JAK2: variants seen among roughly 807,000 people sequenced by gnomAD.
JAK2 encodes tyrosine-protein kinase JAK2.
JAK2 carries 86 observed loss-of-function variants against 139.3 expected under a neutral mutation model. That is an observed-to-expected ratio of 0.62 (90% CI 0.52 to 0.74). The LOEUF (loss-of-function observed/expected upper bound fraction) is 0.74, where lower values mean the gene tolerates loss of function less well. Among genes scored for constraint, JAK2 ranks in the 30% least tolerant of loss-of-function variants. JAK2 has a pLI of 0.00. For synonymous variants in JAK2, 490 were observed against 437.7 expected, an observed-to-expected ratio of 1.12 and a Z score of -1.49; for missense variants, 1,421 against 1,360.3, an observed-to-expected ratio of 1.04 and a Z score of -0.70.
intron 2 of JAK2, among the ~76,000 whole-genome samples, chr9:5,005,247 G>A (rs1821219327): frequency 6.6e-6 from 1 of 151,426 alleles, no homozygotes; most frequent in South Asian, 2.1e-4. Flanking sequence ...ACTGCACCCA[G>A]TCTGTATTGT....
At chr9:5,112,595 A>T in intron 22 of JAK2, 1 of 777,476 alleles carries the variant, frequency 1.3e-6, no homozygotes, top group Admixed American at 2.5e-5. Context: ...GAGGGCTCTT[A>T]AGGAGCTGGG....
chr9:5,103,886 C>G (rs1821734974), intron 22 of JAK2, among the ~76,000 whole-genome samples: 2 of 152,038 alleles, frequency 1.3e-5, no homozygotes, highest in South Asian at 2.1e-4. Context: ...AAAGACACAG[C>G]ATACCAGAAT....
chr9:5,000,454 G>T (rs552048206), intron 2 of JAK2, among the ~76,000 whole-genome samples: 1 of 152,222 alleles, frequency 6.6e-6, no homozygotes, highest in East Asian at 1.9e-4. Context: ...TAGTTTAAAG[G>T]AATGATTCAA....
chr9:5,007,868 C>T (rs1821416802), intron 2 of JAK2, among the ~76,000 whole-genome samples: 1 of 152,166 alleles, frequency 6.6e-6, no homozygotes, highest in East Asian at 1.9e-4. Context: ...GCTGGGATTA[C>T]AGGCACGTGC....
chr9:5,100,923 T>C (rs1003426464), intron 22 of JAK2: 6 of 152,256 alleles, frequency 3.9e-5, no homozygotes, highest in African/African-American at 7.2e-5. Context: ...TTACAAGATG[T>C]CTGAATAGGA....
At position 5,089,662 on chromosome 9, in the gene JAK2, T is replaced by A; in HGVS notation, c.2572-12T>A. On this transcript the variant is annotated splice_polypyrimidine_tract_variant and intron_variant, in intron 19 of 24. Coordinates refer to ENST00000381652, the MANE Select transcript of JAK2 (RefSeq NM_004972.4). ...ACTTGGTATTTCCATCCTAATGTGATGTGTCATTTAGGGTAATTTTGGGAG... is the reference window on the plus strand; with the variant it reads ...ACTTGGTATTTCCATCCTAATGTGAAGTGTCATTTAGGGTAATTTTGGGAG... 7.6e-7 allele frequency: 1 copy of A among 1,308,622 alleles called. No individual in the cohort carries two copies. The highest frequency in any genetic ancestry group is 1.5e-5 in the African/African-American group (1 of 66,264). 81.1% of individuals were successfully genotyped at this position (1,308,622 alleles called of 1,614,324 possible).
chr9:5,032,214 ATTGCCGAGGG>A (rs1247517597), intron 4 of JAK2, among the ~76,000 whole-genome samples: 1 of 152,206 alleles, frequency 6.6e-6, no homozygotes, highest in Non-Finnish European at 1.5e-5. Flanking sequence ...GGCGCCCGCC[ATTGCCGAGGG>A]TTGAGTAGGT....
Position 5,055,694 on chromosome 9 carries a change from C to T in JAK2, c.962C>T (p.Pro321Leu), listed in dbSNP as rs1317349825. ...GATTTACAGTTATATTGCGATTTTC[C>T]TAATATTATTGATGTCAGTATTAAG... ...EQDLQLYCDF[P>L]NIIDVSIKQA... The change falls in exon 8 of 25, where the codon CCT becomes CTT. Residue 321 changes from proline to leucine, a missense_variant. Coordinates refer to ENST00000381652, the MANE Select transcript of JAK2 (RefSeq NM_004972.4). 1 of 1,580,884 alleles carries T rather than the reference C, an allele frequency of 6.3e-7. No individual in the cohort carries two copies. The highest frequency in any genetic ancestry group is 8.7e-7 in the Non-Finnish European group (1 of 1,152,192).
In JAK2 at chr9:5,054,889, T is replaced by A. The variant is rs1462393599; in HGVS notation, c.936+5T>A. On this transcript the variant is annotated splice_donor_5th_base_variant and intron_variant, in intron 7 of 24. Coordinates refer to ENST00000381652, the MANE Select transcript of JAK2 (RefSeq NM_004972.4). The surrounding 1 kb of genome is among the most constrained non-coding windows in gnomAD (Gnocchi z 4.9). ...AGTGAGACACTGACAGAACAGGTAA[T>A]CCTTAATGATATGTTCTTGTTCTTT... 1 of 1,555,690 alleles carries A rather than the reference T, an allele frequency of 6.4e-7. No homozygotes were observed. The highest frequency in any genetic ancestry group is 1.9e-5 in the Admixed American group (1 of 51,950).
intron 22 of JAK2, among the ~76,000 whole-genome samples, chr9:5,103,303 A>G (rs1351023286): frequency 2.6e-5 from 4 of 151,180 alleles, no homozygotes; most frequent in African/African-American, 9.8e-5. Context: ...TTAAGCCAAC[A>G]AAGATCAAAA....
At chr9:5,034,674 T>A (rs948966632) in intron 4 of JAK2, among the ~76,000 whole-genome samples, 4 of 151,954 alleles carry the variant, frequency 2.6e-5, no homozygotes, top group African/African-American at 9.7e-5. Context: ...GAAATAAAGA[T>A]GTTCTTTGAA....
intron 22 of JAK2, chr9:5,096,644 C>T (rs1821014831): frequency 6.6e-6 from 1 of 152,144 alleles, no homozygotes; most frequent in African/African-American, 2.4e-5. Flanking sequence ...CTTACTCAGC[C>T]ATTTTACCCT....
intron 22 of JAK2, among the ~76,000 whole-genome samples, chr9:5,105,017 G>A (rs1821836410): frequency 6.6e-6 from 1 of 152,160 alleles, no homozygotes; most frequent in African/African-American, 2.4e-5. Flanking sequence ...GATGCCCTCT[G>A]TCACCATTCC....
In JAK2 at chr9:5,128,478, G is replaced by C. The variant is rs1824146456; in HGVS notation, c.*1687G>C. 6.6e-6 allele frequency among the ~76,000 whole-genome samples: 1 copy of C among 151,766 alleles called. No homozygotes were observed. The highest frequency in any genetic ancestry group is 1.5e-5 in the Non-Finnish European group (1 of 67,756). ...TTTACTACCTTTCAAGTGAAAAATAGCCTATCATACAATATGCTTGATTTC... is the reference window on the plus strand; with the variant it reads ...TTTACTACCTTTCAAGTGAAAAATACCCTATCATACAATATGCTTGATTTC... On this transcript the variant is annotated 3_prime_UTR_variant, in exon 25 of 25. Coordinates refer to ENST00000381652, the MANE Select transcript of JAK2 (RefSeq NM_004972.4).
Position 5,089,823 on chromosome 9 carries a change from T to C in JAK2, c.2721T>C (p.His907=), listed in dbSNP as rs1373116831. ...REIEILKSLQ[H]DNIVKYKGVC... ...TTGAAATCCTGAAATCCCTACAGCA[T>C]GACAACATTGTAAAGTACAAGGGAG... The change falls in exon 20 of 25, where the codon CAT becomes CAC. Residue 907 remains histidine (H), a synonymous_variant. Transcript: ENST00000381652. The C allele has an allele frequency of 1.6e-5, 25 of 1,590,340 alleles. No individual in the cohort carries two copies. The highest frequency in any genetic ancestry group is 2.0e-5 in the Non-Finnish European group (23 of 1,169,128).
intron 4 of JAK2, among the ~76,000 whole-genome samples, chr9:5,032,665 A>G (rs966704676): frequency 6.6e-6 from 1 of 152,220 alleles, no homozygotes; most frequent in Admixed American, 6.5e-5. Flanking sequence ...GCAAACTCCA[A>G]CAGACCTGCA....
chr9:5,076,748 A>G (rs182730462), intron 14 of JAK2, among the ~76,000 whole-genome samples: 156 of 152,196 alleles, frequency 1.0e-3, no homozygotes, highest in Non-Finnish European at 7.6e-4. Flanking sequence ...TCCACTAGTA[A>G]TGCAGATTAA....
chr9:5,083,087 C>T (rs535600267), intron 19 of JAK2, among the ~76,000 whole-genome samples: 1 of 152,196 alleles, frequency 6.6e-6, no homozygotes, highest in Non-Finnish European at 1.5e-5. Flanking sequence ...TTCAAATTGA[C>T]TTGACCAAGA....
chr9:5,089,093 T>C (rs1415214670), intron 19 of JAK2, among the ~76,000 whole-genome samples: 1 of 152,246 alleles, frequency 6.6e-6, no homozygotes, highest in Admixed American at 6.5e-5. Context: ...ATCTTGACAA[T>C]TAATGCTCAT....
Sources: allele counts gnomAD v4.1 joint callset (sites outside exome capture counted in the v4.1 genomes callset), GRCh38; gene constraint gnomAD v4.1.1; non-coding constraint Gnocchi (gnomAD v3.1); transcripts MANE v1.5; gene names NCBI Gene and HGNC (gene_info 2026-07-23, HGNC 2026-07-21).